The following EIPR1 variants were observed in gnomAD, a reference collection of about 807,000 sequenced individuals.
EIPR1 encodes EARP complex and GARP complex interacting protein 1, also known as EARP and GARP complex-interacting protein 1.
Under a neutral mutation model 48.1 loss-of-function variants are expected in EIPR1, and 25 were observed. The observed-to-expected ratio is 0.52, with a 90% CI of 0.38 to 0.73. EIPR1 has a LOEUF of 0.73. Ranked by LOEUF, EIPR1 falls within the 30% of genes least tolerant of loss-of-function variation. The pLI is 0.00. For missense variants in EIPR1, 415 were observed against 506.2 expected, an observed-to-expected ratio of 0.82 and a Z score of 1.73; for synonymous variants, 204 against 201.9, an observed-to-expected ratio of 1.01 and a Z score of -0.09.
At chr2:3,200,105 G>A (rs978925284) in intron 5 of EIPR1, among the ~76,000 whole-genome samples, 1 of 152,094 alleles carries the variant, frequency 6.6e-6, no homozygotes, top group Non-Finnish European at 1.5e-5. Context: ...GAATAGCCAT[G>A]GTGATAGTCA....
chr2:3,189,228 G>A lies in EIPR1; in HGVS notation c.*106C>T, dbSNP rs2103098227. 8.2e-7 allele frequency: 1 copy of A among 1,225,140 alleles called. No individual in the cohort carries two copies. The highest frequency in any genetic ancestry group is 1.1e-6 in the Non-Finnish European group (1 of 912,196). The allele number at this position is 1,225,140 out of a possible 1,614,324, so 75.9% of individuals were successfully genotyped here. A position where few individuals can be genotyped will look rare whatever the true frequency, so the allele number is the denominator to read the frequency against. The stretch of plus-strand genomic sequence containing the variant: ...GGAAGGGAACAGCGGCTCTCCCAGA[G>A]AGGGATCCACCTGGAACACGAGTCA... On this transcript the variant is annotated 3_prime_UTR_variant, in exon 9 of 9. Coordinates refer to ENST00000382125, the MANE Select transcript of EIPR1 (RefSeq NM_003310.5). The surrounding 1 kb of genome is among the most constrained non-coding windows in gnomAD (Gnocchi z 4.6).
intron 8 of EIPR1, 127 bp downstream of exon 8, chr2:3,192,287 G>T: frequency 8.6e-7 from 1 of 1,162,224 alleles, no homozygotes; most frequent in Non-Finnish European, 1.2e-6. Flanking sequence ...CAGCTGCAGT[G>T]GGTAAGGAGA....
At chr2:3,219,155 G>T (rs1249361125) in intron 4 of EIPR1, among the ~76,000 whole-genome samples, 1 of 150,564 alleles carries the variant, frequency 6.6e-6, no homozygotes, top group African/African-American at 2.5e-5. Context: ...CAGTGAGTCA[G>T]GTGGACACCC....
At chr2:3,194,690 A>G (rs978013643) in intron 6 of EIPR1, among the ~76,000 whole-genome samples, 1 of 32,330 alleles carries the variant, frequency 3.1e-5, no homozygotes, top group Non-Finnish European at 8.2e-5. Context: ...ACAGAGAGAG[A>G]GAGAAAGGGG....
At chr2:3,257,028 C>A (rs1284272132) in intron 4 of EIPR1, among the ~76,000 whole-genome samples, 2 of 152,184 alleles carry the variant, frequency 1.3e-5, no homozygotes, top group African/African-American at 2.4e-5. Context: ...AGTGCCTGAC[C>A]CTTTACCCTC....
intron 1 of EIPR1, among the ~76,000 whole-genome samples, chr2:3,373,022 C>T (rs1370582157): frequency 1.3e-5 from 2 of 152,302 alleles, no homozygotes; most frequent in East Asian, 3.9e-4. Context: ...CATCAAAAAG[C>T]TTATCCACCA....
intron 4 of EIPR1, among the ~76,000 whole-genome samples, chr2:3,225,313 A>C (rs1666029389): frequency 6.6e-6 from 1 of 150,694 alleles, no homozygotes; most frequent in Non-Finnish European, 1.5e-5. Flanking sequence ...TGGTGCAATC[A>C]CAGCTCACTG....
At chr2:3,343,965 G>A (rs775713391) in intron 2 of EIPR1, among the ~76,000 whole-genome samples, 17 of 152,226 alleles carry the variant, frequency 1.1e-4, no homozygotes, top group Non-Finnish European at 2.2e-4. Flanking sequence ...ACTTTGCAGC[G>A]CTGAGGCAGG....
At chr2:3,322,687 C>T (rs980761160) in intron 3 of EIPR1, among the ~76,000 whole-genome samples, 55 of 152,198 alleles carry the variant, frequency 3.6e-4, no homozygotes, top group African/African-American at 1.3e-3. Context: ...TTTGGCTGAA[C>T]AGAGAGGCCA....
In EIPR1 at chr2:3,267,912, C is replaced by A. The variant is rs1313522110; in HGVS notation, c.260-10457G>T. 2.6e-5 allele frequency among the ~76,000 whole-genome samples: 4 copies of A among 152,242 alleles called. No homozygotes were observed. The East Asian group carries it at 7.7e-4, about 29-fold the overall frequency. ...ACCTGTGCCAGTGACCCACTTGCCA[C>A]CTCAGGTGCTGAAGGCGCCCTGCAG... On this transcript the variant is annotated intron_variant, in intron 3 of 8. Coordinates refer to ENST00000382125, the MANE Select transcript of EIPR1 (RefSeq NM_003310.5).
At chr2:3,293,516 A>G (rs1231932686) in intron 3 of EIPR1, among the ~76,000 whole-genome samples, 1 of 152,156 alleles carries the variant, frequency 6.6e-6, no homozygotes, top group Non-Finnish European at 1.5e-5. Flanking sequence ...TAGGCTGCAA[A>G]ACAGCACACA....
intron 4 of EIPR1, among the ~76,000 whole-genome samples, chr2:3,231,918 CT>C (rs1367067450): frequency 6.6e-6 from 1 of 152,182 alleles, no homozygotes. Context: ...AACATTAATT[CT>C]TCTTAAAATA....
At chr2:3,239,375 C>T (rs933073047) in intron 4 of EIPR1, among the ~76,000 whole-genome samples, 5 of 152,246 alleles carry the variant, frequency 3.3e-5, no homozygotes, top group Non-Finnish European at 7.3e-5. Flanking sequence ...AATCTTCCAG[C>T]ACAGACAACC....
intron 4 of EIPR1, among the ~76,000 whole-genome samples, chr2:3,224,570 C>T (rs1193291983): frequency 6.6e-6 from 1 of 152,164 alleles, no homozygotes; most frequent in Non-Finnish European, 1.5e-5. Flanking sequence ...ACACTGCCTG[C>T]CCCATACACA....
rs781392657 is a variant in EIPR1 at position 3,189,531 on chromosome 2, G to A, written c.990-23C>T. ...CTCCTGCAATGCAACAGAGGCAGAC[G>A]TGAGCGCAGCAGCTCCGGCGGGGCG... On this transcript the variant is annotated intron_variant, in intron 8 of 8. Transcript: ENST00000382125. This position sits in a 1 kb window ranked among gnomAD's most constrained non-coding sequence, Gnocchi z 4.6. 2.6e-5 allele frequency: 40 copies of A among 1,531,824 alleles called. No homozygotes were observed. The highest frequency in any genetic ancestry group is 3.5e-5 in the Non-Finnish European group (39 of 1,127,538). The allele number at this position is 1,531,824 out of a possible 1,614,324, so 94.9% of individuals were successfully genotyped here.
chr2:3,248,074 C>T (rs1426905741), intron 4 of EIPR1, among the ~76,000 whole-genome samples: 1 of 151,958 alleles, frequency 6.6e-6, no homozygotes, highest in Non-Finnish European at 1.5e-5. Context: ...GGGGCGGATC[C>T]CTCATGAATA....
chr2:3,228,203 T>C (rs1257249579), intron 4 of EIPR1, among the ~76,000 whole-genome samples: 1 of 152,270 alleles, frequency 6.6e-6, no homozygotes, highest in African/African-American at 2.4e-5. Context: ...GAAGCCACAG[T>C]GGCAGAGCTG....
intron 3 of EIPR1, among the ~76,000 whole-genome samples, chr2:3,290,763 G>T (rs1427772423): frequency 6.6e-6 from 1 of 152,236 alleles, no homozygotes; most frequent in Non-Finnish European, 1.5e-5. Flanking sequence ...TGTGACAGGA[G>T]AGGCCCCATG....
intron 4 of EIPR1, among the ~76,000 whole-genome samples, chr2:3,225,220 ATATGTGTGTGTG>A (rs1183098307): frequency 4.4e-5 from 4 of 90,376 alleles, no homozygotes; most frequent in Non-Finnish European, 9.8e-5. Context: ...GTACACTGTG[ATATGTGTGTGTG>A]TGTGTGTGTG....
Sources: allele counts gnomAD v4.1 joint callset (sites outside exome capture counted in the v4.1 genomes callset), GRCh38; gene constraint gnomAD v4.1.1; non-coding constraint Gnocchi (gnomAD v3.1); transcripts MANE v1.5; gene names NCBI Gene and HGNC (gene_info 2026-07-23, HGNC 2026-07-21).